The following COL18A1 variants were observed in gnomAD, a reference collection of about 807,000 sequenced individuals.
COL18A1 encodes collagen type XVIII alpha 1 chain.
COL18A1 carries 133 observed loss-of-function variants against 168.0 expected under a neutral mutation model. That is an observed-to-expected ratio of 0.79 (90% CI 0.69 to 0.91). The LOEUF (loss-of-function observed/expected upper bound fraction) is 0.91, where lower values mean the gene tolerates loss of function less well. Among genes scored for constraint, COL18A1 ranks in the 40% least tolerant of loss-of-function variants. COL18A1 has a pLI of 0.00. For missense variants in COL18A1, 2,126 were observed against 1,925.4 expected (o/e 1.10, Z -1.95); for synonymous variants, 949 against 809.0 (o/e 1.17, Z -2.94).
At chr21:45,482,087 C>A in intron 14 of COL18A1, 62 bp downstream of exon 14, 1 of 1,377,636 alleles carries the variant, frequency 7.3e-7, no homozygotes. Flanking sequence ...GGCCCGGGTC[C>A]GGGGGTGCCT....
intron 2 of COL18A1, among the ~76,000 whole-genome samples, chr21:45,439,891 G>C (rs1424324590): frequency 6.6e-6 from 1 of 152,262 alleles, no homozygotes; most frequent in Non-Finnish European, 1.5e-5. Flanking sequence ...CAAGGAGTGG[G>C]AACTAGGCCT....
chr21:45,411,798 C>T (rs927669291), intron 2 of COL18A1, among the ~76,000 whole-genome samples: 4 of 143,958 alleles, frequency 2.8e-5, no homozygotes, highest in Non-Finnish European at 5.9e-5. Flanking sequence ...CAGGGACCTG[C>T]AGGAGAGGGG....
rs1313693578 is a variant in COL18A1, at chr21:45,505,307, A to G, written c.3013+29A>G. 5 of 1,601,068 alleles carry G rather than the reference A, an allele frequency of 3.1e-6. No homozygotes were observed. The East Asian group carries it at 8.9e-5, about 29-fold the overall frequency. ...AGTCAGTGGGGAGTGGGCCCCGGGCAGAGGCCGCCTCGTGTGGCTTCGTGT... is the reference window on the plus strand; with the variant it reads ...AGTCAGTGGGGAGTGGGCCCCGGGCGGAGGCCGCCTCGTGTGGCTTCGTGT... On this transcript the variant is annotated intron_variant, in intron 35 of 41. Transcript: ENST00000651438.
At chr21:45,467,414 G>T (rs1411268165) in intron 2 of COL18A1, 3 of 985,302 alleles carry the variant, frequency 3.0e-6, no homozygotes, top group Non-Finnish European at 3.6e-6. Context: ...ACTGTGGCAC[G>T]TTGGCAGGTA....
At chr21:45,416,967 T>C (rs1400750722) in intron 2 of COL18A1, among the ~76,000 whole-genome samples, 1 of 152,194 alleles carries the variant, frequency 6.6e-6, no homozygotes, top group African/African-American at 2.4e-5. Context: ...TTCCGTGAGT[T>C]TTCAGATATT....
chr21:45,491,377 C>A, intron 22 of COL18A1, 63 bp downstream of exon 22: 1 of 815,988 alleles, frequency 1.2e-6, no homozygotes, highest in Non-Finnish European at 2.0e-6. Flanking sequence ...GCAGAGATCC[C>A]TCCCCGAGCC....
intron 36 of COL18A1, 107 bp from the exon 37 acceptor site, chr21:45,505,731 A>G (rs1039214132): frequency 4.2e-6 from 4 of 949,842 alleles, no homozygotes; most frequent in African/African-American, 3.2e-5. Flanking sequence ...CACCTGTCCA[A>G]AGCCCTGCGG....
intron 32 of COL18A1, 43 bp from the exon 33 acceptor site, chr21:45,503,968 C>CAGACACCACCTCAGCG: frequency 6.2e-7 from 1 of 1,612,218 alleles, no homozygotes; most frequent in Non-Finnish European, 8.5e-7. Context: ...CCGGCGCTGT[C>CAGACACCACCTCAGCG]AGACACCACC....
chr21:45,512,239 C>T lies in COL18A1; in HGVS notation c.3861C>T (p.Thr1287=), dbSNP rs372279165. 3.0e-5 allele frequency: 48 copies of T among 1,612,450 alleles called. No homozygotes were observed. The highest frequency in any genetic ancestry group is 1.5e-4 in the South Asian group (14 of 91,050). Residue 1287 remains threonine, a synonymous_variant, in exon 42 of 42, where the codon ACC becomes ACT. Transcript: ENST00000651438. ...HGSDPNGRRL[T]ESYCETWRTE... ...CGGACCCCAACGGGCGCAGGCTGAC[C>T]GAGAGCTACTGTGAGACGTGGCGGA...
intron 2 of COL18A1, among the ~76,000 whole-genome samples, chr21:45,432,516 G>A (rs1381538343): frequency 2.0e-5 from 3 of 152,214 alleles, no homozygotes; most frequent in Admixed American, 2.0e-4. Flanking sequence ...GGCCCTGCTG[G>A]GAGCCACATT....
chr21:45,455,723 AC>A (rs764004091), intron 2 of COL18A1: 1 of 1,613,374 alleles, frequency 6.2e-7, no homozygotes, highest in African/African-American at 1.3e-5. Flanking sequence ...CACACACGTG[AC>A]CCCCCGGAAT....
rs571597296 is a variant in COL18A1, at chr21:45,505,383, CCCCCCTGGG to C, written c.3057_3065del (p.Pro1020_Gly1022del). 1.5e-3 allele frequency: 2,397 copies of C among 1,584,952 alleles called. 4 individuals are homozygous for C. Among genetic ancestry groups the C allele is most frequent in the Admixed American group, 1.6e-3 (94 of 59,342 alleles). ...CTATCAGCGTTCCCGGCCCTCCGGG[CCCCCCTGGG>C]CCCCCTGGGCCCCCTGGAACCATGG... On this transcript the variant is annotated inframe_deletion, in exon 36 of 42. Transcript: ENST00000651438.
intron 2 of COL18A1, chr21:45,455,743 A>G: frequency 6.2e-7 from 1 of 1,613,792 alleles, no homozygotes; most frequent in Non-Finnish European, 8.5e-7. Context: ...ATGGTTCCAC[A>G]GAGCCAGCGA....
At chr21:45,458,153 G>C (rs962122526) in intron 2 of COL18A1, among the ~76,000 whole-genome samples, 3 of 151,170 alleles carry the variant, frequency 2.0e-5, no homozygotes, top group Non-Finnish European at 3.0e-5. Flanking sequence ...CTGAGCCTGA[G>C]GGGGGCACAG....
At chr21:45,452,474 CGTGT>C (rs200572747) in intron 2 of COL18A1, among the ~76,000 whole-genome samples, 62 of 149,956 alleles carry the variant, frequency 4.1e-4, no homozygotes, top group Non-Finnish European at 7.5e-4. Flanking sequence ...CATATATGTA[CGTGT>C]GTGTTTCTGT....
Position 45,460,374 on chromosome 21 carries a change from C to T in COL18A1, c.107-7868C>T, listed in dbSNP as rs577810448. Among the ~76,000 whole-genome samples, 206 of 152,278 alleles carry T rather than the reference C, an allele frequency of 1.4e-3. 2 individuals carry two copies. Among genetic ancestry groups the T allele is most frequent in the African/African-American group, 4.6e-3 (190 of 41,558 alleles). On this transcript the variant is annotated intron_variant, in intron 2 of 41. Coordinates refer to ENST00000651438, the MANE Select transcript of COL18A1 (RefSeq NM_001379500.1). ...AGGTCCACACACACGCCGGCCAAGTCGCTCATCTCAAATGCACGAGTCCCG... is the reference window on the plus strand; with the variant it reads ...AGGTCCACACACACGCCGGCCAAGTTGCTCATCTCAAATGCACGAGTCCCG...
Position 45,496,582 on chromosome 21 carries a change from G to T in COL18A1, c.2577+14G>T, listed in dbSNP as rs369947467. ...TACGACAGCAATGTAAGTCCCCAGGGCACCCACTGTCCTACAGCCACCCTT... is the reference window on the plus strand; with the variant it reads ...TACGACAGCAATGTAAGTCCCCAGGTCACCCACTGTCCTACAGCCACCCTT... On this transcript the variant is annotated intron_variant, in intron 30 of 41. Coordinates refer to ENST00000651438, the MANE Select transcript of COL18A1 (RefSeq NM_001379500.1). 9 of 1,307,084 alleles carry T rather than the reference G, an allele frequency of 6.9e-6. No homozygotes were observed. The highest frequency in any genetic ancestry group is 8.8e-6 in the Non-Finnish European group (8 of 908,864). The allele number at this position is 1,307,084 out of a possible 1,614,324, so 81.0% of individuals were successfully genotyped here.
At chr21:45,480,330 G>A (rs930612646) in intron 11 of COL18A1, 137 bp from the exon 12 acceptor site, 6 of 1,509,778 alleles carry the variant, frequency 4.0e-6, no homozygotes, top group Non-Finnish European at 5.4e-6. Flanking sequence ...AGGCTTCTCT[G>A]GGGGCAGCAG....
chr21:45,509,635 C>G (rs1568951421), intron 39 of COL18A1, 34 bp downstream of exon 39: 11 of 1,165,048 alleles, frequency 9.4e-6, no homozygotes, highest in South Asian at 7.8e-5. Flanking sequence ...TTGGCTCCAT[C>G]TAGCCCCTCG....
Sources: allele counts gnomAD v4.1 joint callset (sites outside exome capture counted in the v4.1 genomes callset), GRCh38; gene constraint gnomAD v4.1.1; transcripts MANE v1.5; gene names NCBI Gene and HGNC (gene_info 2026-07-23, HGNC 2026-07-21).